Variants in GMDS observed in about 807,000 individuals in gnomAD.
The protein encoded by GMDS is GDP-mannose 4,6 dehydratase.
In GMDS, 20 loss-of-function variants were observed where a neutral mutation model predicts 49.9. That is an observed-to-expected ratio of 0.40 (90% CI 0.28 to 0.58). The LOEUF is 0.58. Ranked by LOEUF, GMDS falls within the 20% of genes least tolerant of loss-of-function variation. GMDS has a pLI of 0.42. For synonymous variants in GMDS, 177 were observed against 178.6 expected (o/e 0.99, Z 0.07); for missense variants, 362 against 481.4 (o/e 0.75, Z 2.32).
At chr6:2,117,198 C>A (rs947827915) in intron 3 of GMDS, among the ~76,000 whole-genome samples, 2 of 152,286 alleles carry the variant, frequency 1.3e-5, no homozygotes, top group South Asian at 4.1e-4. Flanking sequence ...ACCTGCAGAG[C>A]GGTGATCAAA....
Position 1,766,083 on chromosome 6 carries a change from G to A in GMDS, c.772-23497C>T, listed in dbSNP as rs1050700108. Among the ~76,000 whole-genome samples, 3 of 152,124 alleles carry A rather than the reference G, an allele frequency of 2.0e-5. No homozygotes were observed. The South Asian group carries it at 6.2e-4, about 32-fold the overall frequency. On this transcript the variant is annotated intron_variant, in intron 7 of 10. Transcript: ENST00000380815. This position sits in a 1 kb window ranked among gnomAD's most constrained non-coding sequence, Gnocchi z 4.5. Reference sequence around the variant, plus strand: ...CAGAGCGGCTGCACTATATGAAAACGACACATGTGAAATGGAGGGTGGGTA... The same window carrying A: ...CAGAGCGGCTGCACTATATGAAAACAACACATGTGAAATGGAGGGTGGGTA...
At chr6:2,179,835 T>C (rs930148961) in intron 1 of GMDS, among the ~76,000 whole-genome samples, 2 of 152,034 alleles carry the variant, frequency 1.3e-5, no homozygotes, top group African/African-American at 4.8e-5. Context: ...AGCCCTGAAG[T>C]TTCTTATACC....
chr6:1,973,859 A>G (rs1042007551), intron 4 of GMDS, among the ~76,000 whole-genome samples: 2 of 152,200 alleles, frequency 1.3e-5, no homozygotes, highest in African/African-American at 4.8e-5. Flanking sequence ...ACGCCACAAC[A>G]TGGCCTGTGG....
At chr6:2,157,228 C>T (rs1007357500) in intron 1 of GMDS, among the ~76,000 whole-genome samples, 1 of 152,180 alleles carries the variant, frequency 6.6e-6, no homozygotes, top group East Asian at 1.9e-4. Flanking sequence ...TATGATTGGG[C>T]AGGGGCCAGA....
intron 4 of GMDS, among the ~76,000 whole-genome samples, chr6:2,099,100 A>G (rs1773777654): frequency 6.6e-6 from 1 of 152,142 alleles, no homozygotes; most frequent in South Asian, 2.1e-4. Context: ...TCTCTAAGTC[A>G]TCTACGTTTA....
chr6:1,852,643 TACTA>T lies in GMDS; in HGVS notation c.771+77456_771+77459del, dbSNP rs936939229. ...GTCTTTTTTTTTCTCTTAATTTTGT[TACTA>T]ACTATCCTGAACTATTTTTTCTGTC... On this transcript the variant is annotated intron_variant, in intron 7 of 10. Coordinates refer to ENST00000380815, the MANE Select transcript of GMDS (RefSeq NM_001500.4). 3.9e-5 allele frequency among the ~76,000 whole-genome samples: 6 copies of T among 152,304 alleles called. No individual in the cohort carries two copies. The East Asian group carries it at 7.7e-4, about 20-fold the overall frequency.
chr6:2,222,611 C>CA (rs1008117139), intron 1 of GMDS, among the ~76,000 whole-genome samples: 4 of 152,004 alleles, frequency 2.6e-5, no homozygotes, highest in South Asian at 2.1e-4. Flanking sequence ...CAATTAGGAA[C>CA]AAAAAAAGGA....
At chr6:1,980,076 C>G (rs1461529104) in intron 4 of GMDS, among the ~76,000 whole-genome samples, 1 of 152,092 alleles carries the variant, frequency 6.6e-6, no homozygotes, top group African/African-American at 2.4e-5. Flanking sequence ...AACCTGTTAC[C>G]AGTCACTACA....
At chr6:1,739,257 G>A (rs1211539946) in intron 8 of GMDS, among the ~76,000 whole-genome samples, 2 of 152,202 alleles carry the variant, frequency 1.3e-5, no homozygotes, top group Non-Finnish European at 2.9e-5. Flanking sequence ...CTTGCTGTGT[G>A]ACCTGGGGAG....
chr6:1,943,739 T>G (rs1215878043), intron 6 of GMDS, among the ~76,000 whole-genome samples: 4 of 152,220 alleles, frequency 2.6e-5, no homozygotes, highest in Non-Finnish European at 4.4e-5. Context: ...CTGGTCACAC[T>G]AGGCAGCTTG....
chr6:1,811,277 C>T (rs1403187067), intron 7 of GMDS, among the ~76,000 whole-genome samples: 1 of 152,180 alleles, frequency 6.6e-6, no homozygotes, highest in East Asian at 1.9e-4. Context: ...AGAACATACT[C>T]TTGCGATCTT....
rs559380551 is a variant in GMDS, at chr6:1,795,188, A to AGACTCCGT, written c.772-52610_772-52603dup. On this transcript the variant is annotated intron_variant, in intron 7 of 10. Coordinates refer to ENST00000380815, the MANE Select transcript of GMDS (RefSeq NM_001500.4). ...GCACTCTTGCCAAGGTGACACAGTCAGACTCCGTCTCAAAAATAATAACAA... is the reference window on the plus strand; with the variant it reads ...GCACTCTTGCCAAGGTGACACAGTCAGACTCCGTGACTCCGTCTCAAAAATAATAACAA... Among the ~76,000 whole-genome samples the AGACTCCGT allele has an allele frequency of 2.2e-3, 328 of 152,362 alleles. 1 individual carries two copies. Among genetic ancestry groups the AGACTCCGT allele is most frequent in the South Asian group, 8.5e-3 (41 of 4,832 alleles).
At position 1,849,277 on chromosome 6, in the gene GMDS, A is replaced by G. The variant is rs528487773; in HGVS notation, c.771+80826T>C. 1.6e-4 allele frequency among the ~76,000 whole-genome samples: 24 copies of G among 152,374 alleles called. No individual in the cohort carries two copies. The East Asian group carries it at 4.4e-3, about 28-fold the overall frequency. On this transcript the variant is annotated intron_variant, in intron 7 of 10. Coordinates refer to ENST00000380815, the MANE Select transcript of GMDS (RefSeq NM_001500.4). ...AAACATTTAGTAAATAAATTAAAAAATGCTACATTTCAGGAAAACATCTGG... is the reference window on the plus strand; with the variant it reads ...AAACATTTAGTAAATAAATTAAAAAGTGCTACATTTCAGGAAAACATCTGG...
rs199988514 is a variant in GMDS at position 2,242,861 on chromosome 6, ATAT to A, written c.102+2457_102+2459del. Among the ~76,000 whole-genome samples the A allele has an allele frequency of 9.6e-3, 1,461 of 152,316 alleles. 5 individuals are homozygous for A. Among genetic ancestry groups the A allele is most frequent in the Admixed American group, 0.017 (257 of 15,306 alleles). On this transcript the variant is annotated intron_variant, in intron 1 of 10. Transcript: ENST00000380815. The stretch of plus-strand genomic sequence containing the variant: ...GAATAGCTCAGTAAGTTCTCAGCCA[ATAT>A]TATTAAGAAAACATACAATAAGGTA...
At chr6:1,885,050 C>A (rs1366204731) in intron 7 of GMDS, among the ~76,000 whole-genome samples, 2 of 152,188 alleles carry the variant, frequency 1.3e-5, no homozygotes, top group African/African-American at 4.8e-5. Flanking sequence ...TTTAAGCAAT[C>A]TGGCACCTCT....
intron 4 of GMDS, among the ~76,000 whole-genome samples, chr6:1,998,193 A>G (rs1460596990): frequency 6.6e-6 from 1 of 152,218 alleles, no homozygotes; most frequent in Non-Finnish European, 1.5e-5. Context: ...CATATCCAGG[A>G]GTTATCATAG....
At chr6:2,061,025 A>G (rs538391) in intron 4 of GMDS, among the ~76,000 whole-genome samples, 49,527 of 151,334 alleles carry the variant, frequency 0.33, 8,263 homozygotes, top group East Asian at 0.48. Context: ...AAAAACAAAA[A>G]AAAAAAAGAA....
chr6:2,170,029 C>A, intron 1 of GMDS, among the ~76,000 whole-genome samples: 1 of 152,174 alleles, frequency 6.6e-6, no homozygotes, highest in African/African-American at 2.4e-5. Flanking sequence ...CATAAAGAAA[C>A]CCCATCTCTA....
chr6:1,653,067 C>T (rs1367294572), intron 9 of GMDS, among the ~76,000 whole-genome samples: 3 of 151,838 alleles, frequency 2.0e-5, no homozygotes, highest in Non-Finnish European at 2.9e-5. Context: ...TCCTACTGCT[C>T]GGCAGCCTTG....
Sources: allele counts gnomAD v4.1 joint callset (sites outside exome capture counted in the v4.1 genomes callset), GRCh38; gene constraint gnomAD v4.1.1; non-coding constraint Gnocchi (gnomAD v3.1); transcripts MANE v1.5; gene names NCBI Gene and HGNC (gene_info 2026-07-23, HGNC 2026-07-21).